MACROD2: variants seen among roughly 807,000 people sequenced by gnomAD.
The protein encoded by MACROD2 is ADP-ribose glycohydrolase MACROD2.
In MACROD2, 36 loss-of-function variants were observed where a neutral mutation model predicts 70.4. That is an observed-to-expected ratio of 0.51 (90% CI 0.39 to 0.68). The LOEUF (loss-of-function observed/expected upper bound fraction) is 0.68, where lower values mean the gene tolerates loss of function less well. Among genes scored for constraint, MACROD2 ranks in the 30% least tolerant of loss-of-function variants. The probability of loss-of-function intolerance (pLI) is 0.00; values close to 1 mark genes in which losing one functional copy is unlikely to be tolerated. For synonymous variants in MACROD2, 172 were observed against 178.8 expected (o/e 0.96, Z 0.30); for missense variants, 496 against 538.4 (o/e 0.92, Z 0.78).
chr20:15,648,781 C>T (rs751458674), intron 8 of MACROD2, among the ~76,000 whole-genome samples: 29 of 151,970 alleles, frequency 1.9e-4, no homozygotes, highest in Non-Finnish European at 3.1e-4. Context: ...AAACTTATCC[C>T]TTAATGAGAC....
At chr20:15,299,744 C>T (rs1046324834) in intron 6 of MACROD2, among the ~76,000 whole-genome samples, 2 of 152,156 alleles carry the variant, frequency 1.3e-5, no homozygotes, top group African/African-American at 2.4e-5. Flanking sequence ...AGTAATTGCA[C>T]AGATAAGGAA....
intron 7 of MACROD2, among the ~76,000 whole-genome samples, chr20:15,432,654 C>T (rs932823): frequency 0.17 from 26,363 of 152,114 alleles, 2,796 homozygotes; most frequent in Non-Finnish European, 0.25. Flanking sequence ...AACCAAACTT[C>T]ATTGCAGAAA....
rs58244884 is a variant in MACROD2, at chr20:15,908,156, A to G, written c.775+22345A>G. On this transcript the variant is annotated intron_variant, in intron 10 of 17. Transcript: ENST00000684519. ...TTTTTTTCCTTTTTGCCCTGCCAAG[A>G]ACAAATGTTTGCTTCCCATTGAGAA... Among the ~76,000 whole-genome samples the G allele has an allele frequency of 5.2e-3, 799 of 152,284 alleles. 31 individuals carry two copies. In the East Asian group the frequency reaches 0.1, roughly 20 times the overall value.
At chr20:14,165,906 C>T (rs1348400863) in intron 3 of MACROD2, among the ~76,000 whole-genome samples, 1 of 152,172 alleles carries the variant, frequency 6.6e-6, no homozygotes, top group Non-Finnish European at 1.5e-5. Flanking sequence ...GGGCATTAGG[C>T]TCTAAATTCT....
At chr20:15,661,521 T>C (rs531764109) in intron 8 of MACROD2, among the ~76,000 whole-genome samples, 1 of 152,172 alleles carries the variant, frequency 6.6e-6, no homozygotes, top group Non-Finnish European at 1.5e-5. Flanking sequence ...TTCACTACTG[T>C]AGAACACTGT....
chr20:14,737,171 T>C (rs2071676655), intron 5 of MACROD2, among the ~76,000 whole-genome samples: 1 of 152,136 alleles, frequency 6.6e-6, no homozygotes, highest in Non-Finnish European at 1.5e-5. Flanking sequence ...TTCTCATTGT[T>C]CAACTCCTGC....
intron 5 of MACROD2, among the ~76,000 whole-genome samples, chr20:14,941,922 C>A (rs1213517134): frequency 2.6e-5 from 4 of 151,474 alleles, no homozygotes; most frequent in African/African-American, 9.7e-5. Flanking sequence ...TATTTGGGAC[C>A]ACTGACGTGT....
At chr20:15,900,156 A>G (rs532372277) in intron 10 of MACROD2, among the ~76,000 whole-genome samples, 2 of 152,206 alleles carry the variant, frequency 1.3e-5, no homozygotes, top group South Asian at 4.1e-4. Context: ...TTTTTTTGAC[A>G]AGTGCAGTGA....
Position 15,267,143 on chromosome 20 carries a change from T to C in MACROD2, c.540+37082T>C, listed in dbSNP as rs75607688. Among the ~76,000 whole-genome samples the C allele has an allele frequency of 6.1e-3, 928 of 152,250 alleles. 13 individuals are homozygous for C. Among genetic ancestry groups the C allele is most frequent in the African/African-American group, 0.021 (872 of 41,544 alleles). On this transcript the variant is annotated intron_variant, in intron 6 of 17. Transcript: ENST00000684519. ...CGTCCTTCACGATCCCTTAAAAATC[T>C]ACCTGCAAAGCAGTCATTCCATCCC... is the stretch of plus-strand genomic sequence containing the variant.
chr20:14,270,049 G>C (rs2082178140), intron 3 of MACROD2, among the ~76,000 whole-genome samples: 1 of 152,056 alleles, frequency 6.6e-6, no homozygotes, highest in Admixed American at 6.5e-5. Flanking sequence ...TATAGGGCAA[G>C]GCAGCTGCCA....
chr20:15,105,963 A>C (rs1374995014), intron 5 of MACROD2, among the ~76,000 whole-genome samples: 1 of 152,202 alleles, frequency 6.6e-6, no homozygotes, highest in South Asian at 2.1e-4. Context: ...TAATGTTCTC[A>C]TCACAAAAAA....
At chr20:14,157,231 C>T (rs369545529) in intron 3 of MACROD2, among the ~76,000 whole-genome samples, 54 of 152,076 alleles carry the variant, frequency 3.6e-4, no homozygotes, top group African/African-American at 9.4e-4. Flanking sequence ...TCATGAATGC[C>T]ACCTCCTTTT....
chr20:15,184,829 G>A (rs1414559949), intron 5 of MACROD2, among the ~76,000 whole-genome samples: 2 of 152,128 alleles, frequency 1.3e-5, no homozygotes, highest in Admixed American at 6.5e-5. Flanking sequence ...TTAGAAATAC[G>A]CTTGCCCTTC....
intron 2 of MACROD2, among the ~76,000 whole-genome samples, chr20:14,052,322 A>G (rs936098133): frequency 1.3e-5 from 2 of 152,202 alleles, no homozygotes; most frequent in Admixed American, 1.3e-4. Context: ...ATTTAGGTAC[A>G]CAGCATGCTG....
intron 5 of MACROD2, among the ~76,000 whole-genome samples, chr20:15,076,405 A>G (rs1428295562): frequency 6.6e-6 from 1 of 152,190 alleles, no homozygotes; most frequent in Non-Finnish European, 1.5e-5. Flanking sequence ...TTCAATTAGT[A>G]TATCATTAAG....
chr20:14,246,466 AGCTCAAGTATCTCCAT>A (rs2081969047), intron 3 of MACROD2, among the ~76,000 whole-genome samples: 1 of 152,184 alleles, frequency 6.6e-6, no homozygotes, highest in African/African-American at 2.4e-5. Flanking sequence ...CTCTGAGTCT[AGCTCAAGTATCTCCAT>A]TGTGTGAAGC....
intron 3 of MACROD2, among the ~76,000 whole-genome samples, chr20:14,313,427 C>G (rs2082583889): frequency 9.5e-6 from 1 of 105,186 alleles, no homozygotes; most frequent in Non-Finnish European, 1.9e-5. Context: ...GCTGCTTTCC[C>G]CCTCCTTTTT....
At chr20:14,965,807 A>G (rs2074631489) in intron 5 of MACROD2, among the ~76,000 whole-genome samples, 1 of 151,938 alleles carries the variant, frequency 6.6e-6, no homozygotes, top group Admixed American at 6.6e-5. Flanking sequence ...GAGGTGATAA[A>G]TTTTATCCAG....
Position 13,995,800 on chromosome 20 carries a change from G to A in MACROD2, c.37G>A (p.Glu13Lys). 1 of 1,591,430 alleles carries A rather than the reference G, an allele frequency of 6.3e-7. No homozygotes were observed. The highest frequency in any genetic ancestry group is 8.6e-7 in the Non-Finnish European group (1 of 1,166,300). The part of the protein sequence containing the change: ...PSNKKKKVWR[E>K]EKERLLKMTL... ...CAACAAGAAGAAAAAGGTGTGGAGA[G>A]AGGAGAAAGGTAACCGGCCCGTCGA... The change falls in exon 1 of 18, where the codon GAG becomes AAG. Residue 13 changes from glutamate to lysine, a missense_variant. By Grantham distance (56) the Glu-to-Lys change is moderately conservative. Coordinates refer to ENST00000684519, the MANE Select transcript of MACROD2 (RefSeq NM_001351661.2). This position sits in a 1 kb window ranked among gnomAD's most constrained non-coding sequence, Gnocchi z 4.3.
Sources: allele counts gnomAD v4.1 joint callset (sites outside exome capture counted in the v4.1 genomes callset), GRCh38; gene constraint gnomAD v4.1.1; non-coding constraint Gnocchi (gnomAD v3.1); transcripts MANE v1.5; gene names NCBI Gene and HGNC (gene_info 2026-07-23, HGNC 2026-07-21).